POLE2: variants seen among roughly 807,000 people sequenced by gnomAD.
POLE2 encodes the protein DNA polymerase epsilon 2, accessory subunit.
In POLE2, 56 loss-of-function variants were observed where a neutral mutation model predicts 79.4. That is an observed-to-expected ratio of 0.71 (90% CI 0.57 to 0.88). POLE2 has a LOEUF of 0.88. Ranked by LOEUF, POLE2 falls within the 40% of genes least tolerant of loss-of-function variation. The pLI is 0.00. For synonymous variants in POLE2, 212 were observed against 214.0 expected, an observed-to-expected ratio of 0.99 and a Z score of 0.08; for missense variants, 598 against 638.9, an observed-to-expected ratio of 0.94 and a Z score of 0.69.
Position 49,679,705 on chromosome 14 carries a change from A to T in POLE2, c.245+20T>A, listed in dbSNP as rs769846997. The T allele has an allele frequency of 7.1e-7, 1 of 1,402,820 alleles. No homozygotes were observed. Among genetic ancestry groups the T allele is most frequent in the South Asian group, 1.2e-5 (1 of 81,708 alleles). 86.9% of individuals were successfully genotyped at this position (1,402,820 alleles called of 1,614,324 possible). ...CAATAACACCTCCAAGGAGGAAAAA[A>T]GTTAACTGTACCCACATACATAGTT... is the stretch of plus-strand genomic sequence containing the variant. On this transcript the variant is annotated intron_variant, in intron 3 of 18. Transcript: ENST00000216367.
At chr14:49,645,583 G>A (rs1883704501) in intron 18 of POLE2, among the ~76,000 whole-genome samples, 1 of 152,200 alleles carries the variant, frequency 6.6e-6, no homozygotes, top group Non-Finnish European at 1.5e-5. Context: ...AGCAGATAAA[G>A]GAAGCAACTA....
At chr14:49,645,043 C>CAAAAAAA (rs527251561) in intron 18 of POLE2, among the ~76,000 whole-genome samples, 13 of 88,324 alleles carry the variant, frequency 1.5e-4, no homozygotes, top group African/African-American at 3.9e-4. Context: ...CTCCGTCTCA[C>CAAAAAAA]AAAAAAAAAA....
At position 49,688,180 on chromosome 14, in the gene POLE2, G is replaced by A. The variant is rs770990295; in HGVS notation, c.24C>T (p.Ser8=). 28 of 1,542,528 alleles carry A rather than the reference G, an allele frequency of 1.8e-5. No homozygotes were observed. The highest frequency in any genetic ancestry group is 1.8e-4 in the Middle Eastern group (1 of 5,568). The stretch of plus-strand genomic sequence containing the variant: ...GCAACTTGAAGGCGGAGAGCGCCCG[G>A]CTCCGCAGCCGCTCCGGCGCCATAT... MAPERLR[S]RALSAFKLRG... is the part of the protein sequence containing the mutation. The change falls in exon 1 of 19, where the codon AGC becomes AGT. Residue 8 remains serine, a synonymous_variant. Coordinates refer to ENST00000216367, the MANE Select transcript of POLE2 (RefSeq NM_002692.4).
intron 11 of POLE2, 134 bp downstream of exon 11, chr14:49,655,537 A>G: frequency 1.5e-6 from 1 of 667,952 alleles, no homozygotes; most frequent in South Asian, 2.0e-5. Context: ...AATGAAATCT[A>G]ATTTAAATTA....
Position 49,679,765 on chromosome 14 carries a change from C to T in POLE2, c.205G>A (p.Ala69Thr), listed in dbSNP as rs568978468. 3 of 1,606,852 alleles carry T rather than the reference C, an allele frequency of 1.9e-6. No homozygotes were observed. The highest frequency in any genetic ancestry group is 2.2e-5 in the South Asian group (2 of 90,626). ...SNMIERSVVE[A>T]AVQECSQSVD... ...GACTGACTGCATTCCTGGACTGCTG[C>T]TTCCACCACAGATCGTTCAATCATG... The change falls in exon 3 of 19, where the codon GCA becomes ACA. Residue 69 changes from alanine to threonine, a missense_variant. Coordinates refer to ENST00000216367, the MANE Select transcript of POLE2 (RefSeq NM_002692.4).
intron 9 of POLE2, 47 bp downstream of exon 9, chr14:49,664,579 T>G (rs1398439607): frequency 2.5e-6 from 3 of 1,188,804 alleles, no homozygotes; most frequent in Non-Finnish European, 3.7e-6. Context: ...GCAGAAAGTT[T>G]TACTGGAGAA....
chr14:49,682,377 C>T (rs893697114), intron 2 of POLE2, among the ~76,000 whole-genome samples: 2 of 151,580 alleles, frequency 1.3e-5, no homozygotes, highest in East Asian at 1.9e-4. Flanking sequence ...ATGGCTCACG[C>T]CTGTAATCCC....
chr14:49,669,891 G>A (rs553288213), intron 5 of POLE2, among the ~76,000 whole-genome samples: 142 of 152,296 alleles, frequency 9.3e-4, no homozygotes, highest in African/African-American at 3.2e-3. Context: ...ATTGGGGCTA[G>A]TGAAAGAGAA....
intron 2 of POLE2, 40 bp downstream of exon 2, chr14:49,683,553 T>A (rs1490140609): frequency 2.2e-6 from 2 of 894,488 alleles, no homozygotes; most frequent in Non-Finnish European, 3.7e-6. Context: ...GATGCAGAAC[T>A]ATATTAACAA....
At position 49,683,601 on chromosome 14, in the gene POLE2, T is replaced by C; in HGVS notation, c.161A>G (p.Lys54Arg). The C allele has an allele frequency of 1.3e-6, 2 of 1,495,496 alleles. No individual in the cohort carries two copies. Among genetic ancestry groups the C allele is most frequent in the South Asian group, 1.1e-5 (1 of 87,498 alleles). The allele number at this position is 1,495,496 out of a possible 1,614,324, so 92.6% of individuals were successfully genotyped here. ...KLEKIINAVEKQPLSSNMIER... is the reference protein window; with the variant it reads ...KLEKIINAVERQPLSSNMIER... The stretch of plus-strand genomic sequence containing the variant: ...CAGAAAATATTACTTACAGGGTTGC[T>C]TCTCAACTGCATTAATTATCTTTTC... The change falls in exon 2 of 19, where the codon AAG becomes AGG. Residue 54 changes from lysine to arginine, a missense_variant. By Grantham distance (26) the Lys-to-Arg change is conservative (BLOSUM62 2). Coordinates refer to ENST00000216367, the MANE Select transcript of POLE2 (RefSeq NM_002692.4).
At chr14:49,660,035 G>A (rs182301218) in intron 10 of POLE2, among the ~76,000 whole-genome samples, 41 of 152,318 alleles carry the variant, frequency 2.7e-4, no homozygotes, top group Admixed American at 4.6e-4. Context: ...CTCACTCAGA[G>A]CAACTTCCAG....
chr14:49,667,322 C>T (rs1300119728), intron 6 of POLE2, among the ~76,000 whole-genome samples: 1 of 152,006 alleles, frequency 6.6e-6, no homozygotes, highest in African/African-American at 2.4e-5. Context: ...AGTATATGTA[C>T]TATTCTGCAA....
chr14:49,660,343 C>T (rs1885013762), intron 10 of POLE2, among the ~76,000 whole-genome samples: 2 of 151,938 alleles, frequency 1.3e-5, no homozygotes, highest in Non-Finnish European at 1.5e-5. Flanking sequence ...GATGTATCCC[C>T]GTTGTTATGC....
intron 1 of POLE2, among the ~76,000 whole-genome samples, chr14:49,687,303 CACACACA>C (rs1887220132): frequency 2.0e-5 from 1 of 49,554 alleles, no homozygotes; most frequent in East Asian, 3.5e-4. Flanking sequence ...ACACACACCA[CACACACA>C]CACACACACA....
chr14:49,654,363 G>T, intron 13 of POLE2, 149 bp from the exon 14 acceptor site: 1 of 634,284 alleles, frequency 1.6e-6, no homozygotes, highest in Non-Finnish European at 2.7e-6. Context: ...TAAGTCTCCA[G>T]ACCAACACTG....
chr14:49,671,687 G>A (rs1158212979), intron 5 of POLE2, among the ~76,000 whole-genome samples: 1 of 151,456 alleles, frequency 6.6e-6, no homozygotes, highest in Non-Finnish European at 1.5e-5. Flanking sequence ...GGGCATGGTG[G>A]CTCATGCCTG....
At chr14:49,666,035 A>G (rs1211520430) in intron 7 of POLE2, among the ~76,000 whole-genome samples, 2 of 152,168 alleles carry the variant, frequency 1.3e-5, no homozygotes, top group African/African-American at 4.8e-5. Flanking sequence ...CATGTTGGTC[A>G]GGCTGGTCTT....
At chr14:49,666,487 T>A in intron 6 of POLE2, 74 bp from the exon 7 acceptor site, 1 of 583,014 alleles carries the variant, frequency 1.7e-6, no homozygotes, top group African/African-American at 2.0e-5. Context: ...TATAAATAAC[T>A]ATATTTGGGG....
At chr14:49,673,881 G>A (rs930747127) in intron 5 of POLE2, among the ~76,000 whole-genome samples, 1 of 152,220 alleles carries the variant, frequency 6.6e-6, no homozygotes, top group Admixed American at 6.5e-5. Flanking sequence ...GGCATATCAT[G>A]TATTAAATAG....
Sources: gnomAD v4.1 joint callset for allele counts (sites outside exome capture counted in the v4.1 genomes callset) on GRCh38, gnomAD v4.1.1 for gene constraint, MANE v1.5 for transcripts, NCBI Gene and HGNC (gene_info 2026-07-23, HGNC 2026-07-21) for gene names.